The following IDNK variants were observed in gnomAD, a reference collection of about 807,000 sequenced individuals.
The protein encoded by IDNK is IDNK gluconokinase.
In IDNK, 9 loss-of-function variants were observed where a neutral mutation model predicts 13.0. That is an observed-to-expected ratio of 0.69 (90% CI 0.42 to 1.21). The LOEUF is 1.21. Ranked by LOEUF, IDNK falls within the 50% of genes most tolerant of loss-of-function variation. The probability of loss-of-function intolerance (pLI) is 0.00; values close to 1 mark genes in which losing one functional copy is unlikely to be tolerated. For missense variants in IDNK, 210 were observed against 237.8 expected (o/e 0.88, Z 0.77); for synonymous variants, 92 against 94.9 (o/e 0.97, Z 0.18).
intron 3 of IDNK, among the ~76,000 whole-genome samples, chr9:83,630,269 C>T (rs1830974799): frequency 6.6e-6 from 1 of 152,038 alleles, no homozygotes; most frequent in African/African-American, 2.4e-5. Flanking sequence ...AGGTTTGCAA[C>T]ATTTGATTTT....
chr9:83,641,201 C>G (rs1831297104), intron 3 of IDNK, among the ~76,000 whole-genome samples: 1 of 152,190 alleles, frequency 6.6e-6, no homozygotes, highest in African/African-American at 2.4e-5. Context: ...TATCTCTCTA[C>G]ATTTGAGATC....
At chr9:83,626,827 T>C in intron 1 of IDNK, 1 of 1,113,918 alleles carries the variant, frequency 9.0e-7, no homozygotes, top group African/African-American at 1.7e-5. Context: ...CTGCGCAGCC[T>C]TCAATAGAAT....
At chr9:83,639,573 G>T (rs1391222336) in intron 3 of IDNK, among the ~76,000 whole-genome samples, 1 of 152,170 alleles carries the variant, frequency 6.6e-6, no homozygotes, top group Non-Finnish European at 1.5e-5. Flanking sequence ...CAGCACAATT[G>T]AGATGAATAA....
intron 1 of IDNK, 116 bp downstream of exon 1, chr9:83,623,337 C>A: frequency 2.0e-6 from 2 of 995,378 alleles, no homozygotes; most frequent in Non-Finnish European, 2.8e-6. Flanking sequence ...CCACCCTTCC[C>A]TTTGCAGATG....
chr9:83,641,180 G>A (rs1000364827), intron 3 of IDNK, among the ~76,000 whole-genome samples: 3 of 152,160 alleles, frequency 2.0e-5, no homozygotes, highest in Non-Finnish European at 4.4e-5. Context: ...TGACGTAAGG[G>A]TTTATGTGAA....
intron 1 of IDNK, among the ~76,000 whole-genome samples, chr9:83,624,294 T>C (rs1231806562): frequency 6.6e-6 from 1 of 152,224 alleles, no homozygotes; most frequent in Non-Finnish European, 1.5e-5. Context: ...TGTGTGAGCC[T>C]GGGCAGTTCA....
intron 3 of IDNK, among the ~76,000 whole-genome samples, chr9:83,637,395 A>G (rs780961933): frequency 1.3e-5 from 2 of 152,206 alleles, no homozygotes; most frequent in Non-Finnish European, 2.9e-5. Flanking sequence ...CCAGGTAACT[A>G]GAGGGTTTTT....
intron 3 of IDNK, among the ~76,000 whole-genome samples, chr9:83,641,128 TTTG>T (rs1248815504): frequency 6.6e-6 from 1 of 152,070 alleles, no homozygotes; most frequent in Non-Finnish European, 1.5e-5. Flanking sequence ...TGAGGGGAAT[TTTG>T]TTCTTTGGAG....
At chr9:83,643,271 T>C (rs1831363913) in intron 4 of IDNK, among the ~76,000 whole-genome samples, 158 bp from the exon 5 acceptor site, 1 of 152,202 alleles carries the variant, frequency 6.6e-6, no homozygotes, top group African/African-American at 2.4e-5. Context: ...AGAAGATATT[T>C]AACTCGATGC....
intron 4 of IDNK, 131 bp downstream of exon 4, chr9:83,641,722 C>T (rs1156897294): frequency 2.1e-5 from 19 of 914,872 alleles, no homozygotes; most frequent in African/African-American, 5.0e-5. Flanking sequence ...AAACTGGCTG[C>T]ACTTCTATCA....
At position 83,641,525 on chromosome 9, in the gene IDNK, G is replaced by A. The variant is rs754011275; in HGVS notation, c.169-23G>A. The A allele has an allele frequency of 2.5e-6, 4 of 1,613,440 alleles. No homozygotes were observed. In the South Asian group the frequency reaches 3.3e-5, roughly 13 times the overall value. On this transcript the variant is annotated intron_variant, in intron 3 of 4. Transcript: ENST00000376419. ...CCTGGAGAAGTCACGTTGTGTCTGG[G>A]TTTTTGTTTTTGTTTTTTTCAGGAC...
chr9:83,627,891 G>A, intron 1 of IDNK: 1 of 377,842 alleles, frequency 2.6e-6, no homozygotes, highest in Non-Finnish European at 4.0e-6. Context: ...ACACAACAGG[G>A]ACCAAAAACT....
intron 4 of IDNK, 98 bp downstream of exon 4, chr9:83,641,689 T>C (rs1831314086): frequency 4.1e-6 from 5 of 1,205,290 alleles, no homozygotes; most frequent in Non-Finnish European, 6.1e-6. Flanking sequence ...AAATCACAAC[T>C]GACTGATGGT....
intron 3 of IDNK, among the ~76,000 whole-genome samples, chr9:83,630,967 G>A (rs1015060875): frequency 6.6e-6 from 1 of 152,156 alleles, no homozygotes; most frequent in Admixed American, 6.5e-5. Flanking sequence ...AAAACAGAGA[G>A]ATAAGGAGGT....
chr9:83,639,167 AAAAT>A (rs1242843259), intron 3 of IDNK, among the ~76,000 whole-genome samples: 1 of 152,178 alleles, frequency 6.6e-6, no homozygotes, highest in Non-Finnish European at 1.5e-5. Context: ...GGGAACTCTA[AAAAT>A]AAATAAGCAA....
intron 1 of IDNK, chr9:83,626,603 G>GA (rs1217983456): frequency 1.4e-6 from 1 of 733,378 alleles, no homozygotes; most frequent in South Asian, 1.5e-5. Flanking sequence ...TTTTAGTTGA[G>GA]ACGGGGTTTT....
At position 83,643,817 on chromosome 9, in the gene IDNK, C is replaced by T; in HGVS notation, c.*37C>T. 1 of 1,476,800 alleles carries T rather than the reference C, an allele frequency of 6.8e-7. No homozygotes were observed. 91.5% of individuals were successfully genotyped at this position (1,476,800 alleles called of 1,614,324 possible). A position where few individuals can be genotyped will look rare whatever the true frequency, so the allele number is the denominator to read the frequency against. ...TATCAGTGGTCCAAACAGAACTAAG[C>T]ATAAATCATTGTGCCATCCCAAACC... On this transcript the variant is annotated 3_prime_UTR_variant, in exon 5 of 5. Coordinates refer to ENST00000376419, the MANE Select transcript of IDNK (RefSeq NM_001001551.4).
intron 3 of IDNK, among the ~76,000 whole-genome samples, chr9:83,633,049 T>G (rs1186107238): frequency 6.6e-6 from 1 of 152,250 alleles, no homozygotes; most frequent in East Asian, 1.9e-4. Flanking sequence ...TGATCAAGAT[T>G]GGCCTGTCCT....
chr9:83,629,826 C>T (rs1015040418), intron 3 of IDNK, among the ~76,000 whole-genome samples: 3 of 152,210 alleles, frequency 2.0e-5, no homozygotes, highest in African/African-American at 4.8e-5. Context: ...CCCCCCAGGC[C>T]TGACACACAG....
Sources: gnomAD v4.1 joint callset for allele counts (sites outside exome capture counted in the v4.1 genomes callset) on GRCh38, gnomAD v4.1.1 for gene constraint, MANE v1.5 for transcripts, NCBI Gene and HGNC (gene_info 2026-07-23, HGNC 2026-07-21) for gene names.